The following ADAMTSL1 variants were observed in gnomAD, a reference collection of about 807,000 sequenced individuals.
ADAMTSL1 encodes the protein ADAMTS-like protein 1.
ADAMTSL1 carries 126 observed loss-of-function variants against 201.8 expected under a neutral mutation model. The observed-to-expected ratio is 0.62, with a 90% CI of 0.54 to 0.72. The LOEUF (loss-of-function observed/expected upper bound fraction) is 0.72, where lower values mean the gene tolerates loss of function less well. Among genes scored for constraint, ADAMTSL1 ranks in the 30% least tolerant of loss-of-function variants. The pLI, the probability that ADAMTSL1 is intolerant of heterozygous loss-of-function variation, is 0.00. For missense variants in ADAMTSL1, 2,679 were observed against 2,277.8 expected (o/e 1.18, Z -3.59); for synonymous variants, 1,121 against 903.4 (o/e 1.24, Z -4.32).
At chr9:17,947,084 A>G (rs1827519872) in intron 1 of ADAMTSL1, among the ~76,000 whole-genome samples, 1 of 151,962 alleles carries the variant, frequency 6.6e-6, no homozygotes, top group Admixed American at 6.6e-5. Flanking sequence ...CTTTGCCACC[A>G]AAATGTTGTT....
At chr9:18,728,674 A>G (rs1011295777) in intron 15 of ADAMTSL1, among the ~76,000 whole-genome samples, 17 of 152,216 alleles carry the variant, frequency 1.1e-4, no homozygotes, top group African/African-American at 3.9e-4. Flanking sequence ...GGCAATGCCT[A>G]TGCTGAATGG....
At chr9:18,249,758 G>C (rs1587395898) in intron 2 of ADAMTSL1, among the ~76,000 whole-genome samples, 3 of 152,234 alleles carry the variant, frequency 2.0e-5, no homozygotes, top group East Asian at 1.9e-4. Flanking sequence ...TCAACCAAAA[G>C]CTAAAACCAA....
chr9:18,555,915 A>G (rs1369108277), intron 3 of ADAMTSL1, among the ~76,000 whole-genome samples: 1 of 151,998 alleles, frequency 6.6e-6, no homozygotes, highest in African/African-American at 2.4e-5. Context: ...TTGCATTGCC[A>G]CACCATGTAG....
At chr9:18,515,579 C>T (rs1251669477) in intron 2 of ADAMTSL1, among the ~76,000 whole-genome samples, 1 of 152,210 alleles carries the variant, frequency 6.6e-6, no homozygotes, top group East Asian at 1.9e-4. Context: ...AAGTGATTTG[C>T]TCACCTTGGC....
chr9:18,903,145 C>T (rs182187544), intron 26 of ADAMTSL1, among the ~76,000 whole-genome samples: 110 of 152,258 alleles, frequency 7.2e-4, no homozygotes, highest in Non-Finnish European at 1.0e-3. Context: ...GTGGAAGTTG[C>T]AGTGAGCAGA....
At chr9:18,826,154 G>T in intron 21 of ADAMTSL1, 130 bp from the exon 22 acceptor site, 1 of 1,095,592 alleles carries the variant, frequency 9.1e-7, no homozygotes, top group South Asian at 1.5e-5. Context: ...TCTGGCCAAA[G>T]CCTGGTAGAA....
At chr9:18,306,564 T>G (rs7036384) in intron 2 of ADAMTSL1, among the ~76,000 whole-genome samples, 88,675 of 151,938 alleles carry the variant, frequency 0.58, 26,616 homozygotes, top group African/African-American at 0.71. Flanking sequence ...ATCAATAGCT[T>G]AATTGATGAA....
At chr9:18,629,956 T>A (rs1826641440) in intron 5 of ADAMTSL1, among the ~76,000 whole-genome samples, 1 of 150,446 alleles carries the variant, frequency 6.6e-6, no homozygotes, top group African/African-American at 2.5e-5. Context: ...TTGGATTGAT[T>A]GATTTTTCAC....
At position 18,524,161 on chromosome 9, in the gene ADAMTSL1, C is replaced by T. The variant is rs1381636679; in HGVS notation, c.192-9086C>T. ...TCTCCTTGAAGAGGTCCTTCACATC[C>T]CTTGTAAGTTGGATTCCTAGGTATT... On this transcript the variant is annotated intron_variant, in intron 2 of 28. Transcript: ENST00000380548. Among the ~76,000 whole-genome samples the T allele has an allele frequency of 5.3e-5, 8 of 152,026 alleles. 1 individual carries two copies. The highest frequency in any genetic ancestry group is 1.7e-4 in the African/African-American group (7 of 41,370).
chr9:18,172,464 T>C (rs1481040936), intron 2 of ADAMTSL1, among the ~76,000 whole-genome samples: 1 of 152,034 alleles, frequency 6.6e-6, no homozygotes, highest in Non-Finnish European at 1.5e-5. Flanking sequence ...GCAACAAATT[T>C]AAAGGACCAA....
chr9:18,713,047 G>A (rs1277078631), intron 14 of ADAMTSL1, among the ~76,000 whole-genome samples: 2 of 151,526 alleles, frequency 1.3e-5, no homozygotes, highest in East Asian at 1.9e-4. Context: ...ACAAGCAAAT[G>A]CTGAGAGATT....
At chr9:18,340,688 C>G (rs1466478580) in intron 2 of ADAMTSL1, among the ~76,000 whole-genome samples, 1 of 152,110 alleles carries the variant, frequency 6.6e-6, no homozygotes, top group Admixed American at 6.6e-5. Flanking sequence ...GTGAATAAGT[C>G]TCATGAGATC....
chr9:18,275,190 A>T (rs2132600119), intron 2 of ADAMTSL1, among the ~76,000 whole-genome samples: 1 of 152,284 alleles, frequency 6.6e-6, no homozygotes. Flanking sequence ...CCTCTTAGTC[A>T]TTACCTCTAA....
At chr9:18,620,220 CT>C (rs1825955249) in intron 4 of ADAMTSL1, among the ~76,000 whole-genome samples, 2 of 151,938 alleles carry the variant, frequency 1.3e-5, no homozygotes, top group Admixed American at 1.3e-4. Flanking sequence ...AAATTGAATT[CT>C]TCATATTTTA....
At chr9:18,455,984 T>A (rs1185629614) in intron 2 of ADAMTSL1, among the ~76,000 whole-genome samples, 2 of 152,148 alleles carry the variant, frequency 1.3e-5, no homozygotes, top group African/African-American at 4.8e-5. Context: ...GCCCTCCCAT[T>A]TCAACTTGTT....
intron 1 of ADAMTSL1, among the ~76,000 whole-genome samples, chr9:18,082,797 A>G (rs948199241): frequency 2.6e-5 from 4 of 152,194 alleles, no homozygotes; most frequent in African/African-American, 9.7e-5. Flanking sequence ...AGAAAGAAGA[A>G]GTAGAGAGTT....
At chr9:18,574,595 T>TTGTGTTTGTG (rs1554707990) in intron 4 of ADAMTSL1, 2 of 339,940 alleles carry the variant, frequency 5.9e-6, no homozygotes, top group Admixed American at 8.7e-5. Flanking sequence ...GTGTTTGTGT[T>TTGTGTTTGTG]TGTGTGTGTG....
intron 20 of ADAMTSL1, among the ~76,000 whole-genome samples, chr9:18,798,425 T>G (rs1244181052): frequency 1.3e-5 from 2 of 152,234 alleles, no homozygotes; most frequent in Non-Finnish European, 2.9e-5. Flanking sequence ...ATGCAATCAT[T>G]CATAAAAAAT....
chr9:18,383,031 A>C (rs1478365810), intron 2 of ADAMTSL1, among the ~76,000 whole-genome samples: 1 of 152,190 alleles, frequency 6.6e-6, no homozygotes, highest in Non-Finnish European at 1.5e-5. Context: ...ATTTCTTTAA[A>C]TGAGGTAGAA....
Sources: gnomAD v4.1 joint callset for allele counts (sites outside exome capture counted in the v4.1 genomes callset) on GRCh38, gnomAD v4.1.1 for gene constraint, MANE v1.5 for transcripts, NCBI Gene and HGNC (gene_info 2026-07-23, HGNC 2026-07-21) for gene names.